Variants in ACP6 observed in about 807,000 individuals in gnomAD.
ACP6 encodes the protein acid phosphatase 6, lysophosphatidic.
A neutral mutation model predicts 48.1 loss-of-function variants in ACP6; 48 were observed. The observed-to-expected ratio is 1.00, with a 90% CI of 0.79 to 1.27. The LOEUF is 1.27. ACP6 is among the 50% of genes most tolerant of loss of function. ACP6 has a pLI of 0.00. For missense variants in ACP6, 485 were observed against 529.1 expected (o/e 0.92, Z 0.82); for synonymous variants, 172 against 204.2 (o/e 0.84, Z 1.34).
Position 147,648,380 on chromosome 1 carries a change from T to C in ACP6, c.1009A>G (p.Thr337Ala), listed in dbSNP as rs1553209922. 1 of 1,614,070 alleles carries C rather than the reference T, an allele frequency of 6.2e-7. No homozygotes were observed. Among genetic ancestry groups the C allele is most frequent in the Admixed American group, 1.7e-5 (1 of 60,012 alleles). The change falls in exon 9 of 10, where the codon ACC (threonine) becomes GCC (alanine). Residue 337 changes from threonine to alanine, a missense_variant. Physicochemically the swap from Thr to Ala is moderately conservative, Grantham distance 58. Coordinates refer to ENST00000583509, the MANE Select transcript of ACP6 (RefSeq NM_016361.5). Reference sequence around the variant, plus strand: ...AGGGTCATTAAGAGCGGTATGAAGGTCACATCATGAGCCGCATAGAGATAC... The same window carrying C: ...AGGGTCATTAAGAGCGGTATGAAGGCCACATCATGAGCCGCATAGAGATAC... ...KLYLYAAHDV[T>A]FIPLLMTLGI...
At position 147,659,742 on chromosome 1, in the gene ACP6, G is replaced by A. The variant is rs1553212407; in HGVS notation, c.253C>T (p.Pro85Ser). ...ACTGTGTAATCAAACTGAGTTTGGG[G>A]TGGGACCTCTAATAGCTGGGGGTTC... is the stretch of plus-strand genomic sequence containing the variant. ...EWNPQLLEVP[P>S]QTQFDYTVTN... Residue 85 changes from proline to serine, a missense_variant, in exon 2 of 10, where the codon CCC (proline) becomes TCC (serine). By Grantham distance (74) the Pro-to-Ser change is moderately conservative. Coordinates refer to ENST00000583509, the MANE Select transcript of ACP6 (RefSeq NM_016361.5). 3 of 1,613,970 alleles carry A rather than the reference G, an allele frequency of 1.9e-6. No individual in the cohort carries two copies. The Admixed American group carries it at 5.0e-5, about 27-fold the overall frequency.
Position 147,658,969 on chromosome 1 carries a change from G to A in ACP6, c.550C>T (p.Gln184Ter). ...RCLLAGLFQC[Q>*]KEGPIIIHTD... Reference sequence around the variant, plus strand: ...GACCCCAAATACGAACCTTCTTTCTGACACTGGAAAAGCCCAGCCAGCAAA... The same window carrying A: ...GACCCCAAATACGAACCTTCTTTCTAACACTGGAAAAGCCCAGCCAGCAAA... The change falls in exon 4 of 10, where the codon CAG becomes TAG. Residue 184 changes from glutamine (Q) to a stop codon, truncating the protein, a stop_gained. Coordinates refer to ENST00000583509, the MANE Select transcript of ACP6 (RefSeq NM_016361.5). LOFTEE classifies it high-confidence loss of function. 6.2e-7 allele frequency: 1 copy of A among 1,611,778 alleles called. No homozygotes were observed.
At chr1:147,669,800 C>T in intron 1 of ACP6, 30 bp downstream of exon 1, 8 of 1,540,954 alleles carry the variant, frequency 5.2e-6, no homozygotes, top group Admixed American at 1.8e-5. Context: ...GTCCTCGCCC[C>T]ACCAGCCCCA....
At chr1:147,640,271 T>C (rs1413096951), downstream of ACP6, among the ~76,000 whole-genome samples, 1 of 152,150 alleles carries the variant, frequency 6.6e-6, no homozygotes, top group Non-Finnish European at 1.5e-5. Context: ...TCCAAATCCC[T>C]GGCTCTTATC....
At chr1:147,661,303 C>T (rs1553212674) in intron 1 of ACP6, among the ~76,000 whole-genome samples, 1 of 123,086 alleles carries the variant, frequency 8.1e-6, no homozygotes. Flanking sequence ...CATATACCAT[C>T]ATGCCCAGCT....
chr1:147,662,526 A>G (rs1168207016), intron 1 of ACP6, among the ~76,000 whole-genome samples: 1 of 152,216 alleles, frequency 6.6e-6, no homozygotes, highest in African/African-American at 2.4e-5. Flanking sequence ...CTTCCGTGGA[A>G]GAAGTAACTG....
At chr1:147,659,224 A>C in intron 3 of ACP6, 172 bp downstream of exon 3, 2 of 1,079,342 alleles carry the variant, frequency 1.9e-6, no homozygotes, top group South Asian at 3.3e-5. Context: ...AATGAATGCG[A>C]CCTCCAGGAA....
chr1:147,650,065 A>G (rs1659836386), intron 8 of ACP6, 78 bp downstream of exon 8: 1 of 1,265,170 alleles, frequency 7.9e-7, no homozygotes, highest in South Asian at 1.3e-5. Flanking sequence ...TTGCCTCACT[A>G]AGATTTGGGT....
At chr1:147,629,786 A>C (rs1295220624) in exon 6 of ACP6, 1 of 152,204 alleles carries the variant, frequency 6.6e-6, no homozygotes, top group African/African-American at 2.4e-5. Flanking sequence ...AAGGTATGCT[A>C]TAAGGATTGT....
At chr1:147,667,715 G>A (rs1255658588) in intron 1 of ACP6, among the ~76,000 whole-genome samples, 2 of 151,986 alleles carry the variant, frequency 1.3e-5, no homozygotes, top group Admixed American at 6.6e-5. Context: ...AATAACGGCC[G>A]GGTGCTGGCT....
At chr1:147,631,830 C>A (rs978166072) in intron 5 of ACP6, among the ~76,000 whole-genome samples, 12 of 151,454 alleles carry the variant, frequency 7.9e-5, no homozygotes, top group African/African-American at 2.7e-4. Flanking sequence ...ACAACAACAA[C>A]AACAAAAAAA....
At chr1:147,653,443 T>A (rs1227101967) in intron 6 of ACP6, among the ~76,000 whole-genome samples, 1 of 149,396 alleles carries the variant, frequency 6.7e-6, no homozygotes, top group Admixed American at 6.7e-5. Flanking sequence ...TTTTTTAACT[T>A]AAAAAAAAAA....
At chr1:147,631,537 T>C (rs1453248476) in intron 5 of ACP6, among the ~76,000 whole-genome samples, 5 of 152,194 alleles carry the variant, frequency 3.3e-5, no homozygotes, top group African/African-American at 1.2e-4. Flanking sequence ...ATGAATTGGC[T>C]GGACACTGTG....
exon 6 of ACP6, chr1:147,630,706 T>G (rs1375318246): frequency 2.0e-5 from 3 of 152,234 alleles, no homozygotes; most frequent in Non-Finnish European, 2.9e-5. Flanking sequence ...TCTGGCACCT[T>G]GCTAGAAACT....
In ACP6 at chr1:147,670,088, G is replaced by C; in HGVS notation, c.-40C>G. On this transcript the variant is annotated 5_prime_UTR_variant, in exon 1 of 10. Coordinates refer to ENST00000583509, the MANE Select transcript of ACP6 (RefSeq NM_016361.5). Reference sequence around the variant, plus strand: ...GCTGCCCTCCGGGTTGAGGCTGCAGGAGGCAAACACAAGTCTTCTGCGGGC... The same window carrying C: ...GCTGCCCTCCGGGTTGAGGCTGCAGCAGGCAAACACAAGTCTTCTGCGGGC... 1 of 1,460,368 alleles carries C rather than the reference G, an allele frequency of 6.8e-7. No homozygotes were observed. The allele number at this position is 1,460,368 out of a possible 1,614,324, so 90.5% of individuals were successfully genotyped here.
intron 6 of ACP6, among the ~76,000 whole-genome samples, chr1:147,652,861 C>T (rs1174372632): frequency 1.3e-4 from 19 of 151,828 alleles, no homozygotes; most frequent in Non-Finnish European, 2.5e-4. Context: ...GAGTCCCGCT[C>T]TGTCGCCCAG....
At chr1:147,647,673 G>A in intron 9 of ACP6, 107 bp from the exon 10 acceptor site, 1 of 1,396,140 alleles carries the variant, frequency 7.2e-7, no homozygotes, top group South Asian at 1.4e-5. Context: ...GTATACATGT[G>A]CATACATATT....
chr1:147,642,135 A>C (rs1197309416), downstream of ACP6: 1 of 152,192 alleles, frequency 6.6e-6, no homozygotes, highest in Admixed American at 6.5e-5. Context: ...ATTTGAACCC[A>C]GCGAAAGCCT....
chr1:147,669,832 G>C lies in ACP6; in HGVS notation c.217C>G (p.Gln73Glu), dbSNP rs1660997512. Residue 73 changes from glutamine (Q) to glutamate (E), a missense_variant and splice_region_variant, in exon 1 of 10, where the codon CAG becomes GAG. Gln to Glu is a conservative substitution (Grantham distance 29). Coordinates refer to ENST00000583509, the MANE Select transcript of ACP6 (RefSeq NM_016361.5). ...CCCAGCCCGGGCCGACCTCTCACCT[G>C]CTCCTCCAGCGGGAGCGGCTTGAGA... ...SPLKPLPLEE[Q>E]VEWNPQLLEV... 6.3e-7 allele frequency: 1 copy of C among 1,584,640 alleles called. No individual in the cohort carries two copies. Among genetic ancestry groups the C allele is most frequent in the Non-Finnish European group, 8.6e-7 (1 of 1,163,204 alleles).
Sources: allele counts gnomAD v4.1 joint callset (sites outside exome capture counted in the v4.1 genomes callset), GRCh38; gene constraint gnomAD v4.1.1; transcripts MANE v1.5; gene names NCBI Gene and HGNC (gene_info 2026-07-23, HGNC 2026-07-21).